The following DNM3 variants were observed in gnomAD, a reference collection of about 807,000 sequenced individuals.
The protein encoded by DNM3 is dynamin-3.
Under a neutral mutation model 101.6 loss-of-function variants are expected in DNM3, and 47 were observed. That is an observed-to-expected ratio of 0.46 (90% CI 0.37 to 0.59). The LOEUF is 0.59. DNM3 is among the 20% of genes least tolerant of loss of function. The probability of loss-of-function intolerance (pLI) is 0.00; values close to 1 mark genes in which losing one functional copy is unlikely to be tolerated. For synonymous variants in DNM3, 385 were observed against 387.9 expected, an observed-to-expected ratio of 0.99 and a Z score of 0.09; for missense variants, 849 against 1,085.7, an observed-to-expected ratio of 0.78 and a Z score of 3.06.
chr1:172,409,706 C>T lies in DNM3; in HGVS notation c.*1865C>T. 7.1e-6 allele frequency: 7 copies of T among 985,540 alleles called. No homozygotes were observed. The highest frequency in any genetic ancestry group is 6.0e-6 in the Non-Finnish European group (5 of 829,750). 61.0% of individuals were successfully genotyped at this position (985,540 alleles called of 1,614,324 possible). A position where few individuals can be genotyped will look rare whatever the true frequency, so the allele number is the denominator to read the frequency against. On this transcript the variant is annotated 3_prime_UTR_variant, in exon 21 of 21. Transcript: ENST00000627582. ...TGTTAAGCAAACATCCATAGTAAAACAAATAATCTTCAGTGAGATCTTTTT... is the reference window on the plus strand; with the variant it reads ...TGTTAAGCAAACATCCATAGTAAAATAAATAATCTTCAGTGAGATCTTTTT...
intron 18 of DNM3, among the ~76,000 whole-genome samples, chr1:172,385,183 G>A (rs753714050): frequency 1.1e-4 from 17 of 152,226 alleles, no homozygotes; most frequent in African/African-American, 2.9e-4. Context: ...ATACTACTGC[G>A]TTATTAAATG....
intron 2 of DNM3, among the ~76,000 whole-genome samples, chr1:171,977,803 T>A (rs1221218596): frequency 1.3e-5 from 2 of 152,238 alleles, no homozygotes; most frequent in Non-Finnish European, 2.9e-5. Flanking sequence ...GGCTCCTTTT[T>A]GGTTGTCATT....
intron 15 of DNM3, chr1:172,290,096 C>T (rs2063845803): frequency 6.9e-6 from 5 of 721,440 alleles, no homozygotes; most frequent in Non-Finnish European, 8.5e-6. Flanking sequence ...ACTGGTGAGA[C>T]TAGTCAGTCA....
rs144792257 is a variant in DNM3, at chr1:171,889,557, T to G, written c.162-32191T>G. Among the ~76,000 whole-genome samples, 32 of 152,298 alleles carry G rather than the reference T, an allele frequency of 2.1e-4. No individual in the cohort carries two copies. In the East Asian group the frequency reaches 4.4e-3, roughly 21 times the overall value. On this transcript the variant is annotated intron_variant, in intron 1 of 20. Coordinates refer to ENST00000627582, the MANE Select transcript of DNM3 (RefSeq NM_015569.5). The stretch of plus-strand genomic sequence containing the variant: ...CATACTTCAAAGTTAAAAGAATGTC[T>G]ACTAGCTACTCCCTCACTCTTGACA...
At chr1:172,198,469 T>C (rs1484623427) in intron 14 of DNM3, among the ~76,000 whole-genome samples, 1 of 152,076 alleles carries the variant, frequency 6.6e-6, no homozygotes, top group South Asian at 2.1e-4. Context: ...TTTTTTGGAA[T>C]GGTATCTGTA....
chr1:172,065,712 G>A (rs1419487851), intron 10 of DNM3, among the ~76,000 whole-genome samples: 1 of 152,174 alleles, frequency 6.6e-6, no homozygotes, highest in African/African-American at 2.4e-5. Context: ...ACCTCATGGA[G>A]ACGCTGGTGA....
intron 1 of DNM3, among the ~76,000 whole-genome samples, chr1:171,916,607 G>A (rs2901603): frequency 0.34 from 51,950 of 151,980 alleles, 9,215 homozygotes; most frequent in East Asian, 0.5. Flanking sequence ...GACATTTATT[G>A]TCTTCTTTCT....
intron 11 of DNM3, among the ~76,000 whole-genome samples, chr1:172,072,027 C>T (rs1173191844): frequency 6.6e-6 from 1 of 152,072 alleles, no homozygotes; most frequent in Admixed American, 6.5e-5. Context: ...TCCTATACTA[C>T]AGTCCAAGTT....
At chr1:172,138,848 G>A (rs753064128) in intron 14 of DNM3, 8 of 475,494 alleles carry the variant, frequency 1.7e-5, no homozygotes, top group Non-Finnish European at 3.1e-5. Flanking sequence ...ACAGGTGAGC[G>A]GATGTTCTGC....
At chr1:172,236,384 GA>G (rs2061546827) in intron 14 of DNM3, among the ~76,000 whole-genome samples, 1 of 152,190 alleles carries the variant, frequency 6.6e-6, no homozygotes, top group African/African-American at 2.4e-5. Context: ...AGAAAAGAGA[GA>G]GAAGGGGTGG....
Position 172,408,636 on chromosome 1 carries a change from C to A in DNM3, c.*795C>A. 1 of 984,846 alleles carries A rather than the reference C, an allele frequency of 1.0e-6. No individual in the cohort carries two copies. Among genetic ancestry groups the A allele is most frequent in the Non-Finnish European group, 1.2e-6 (1 of 829,448 alleles). The allele number at this position is 984,846 out of a possible 1,614,324, so 61.0% of individuals were successfully genotyped here. ...TATAATTTCTTTCTTTACTTATATT[C>A]ACCTCATGGTAGGTTATATTGAAGG... On this transcript the variant is annotated 3_prime_UTR_variant, in exon 21 of 21. Coordinates refer to ENST00000627582, the MANE Select transcript of DNM3 (RefSeq NM_015569.5).
chr1:172,366,751 A>C (rs1288378246), intron 17 of DNM3: 1 of 151,912 alleles, frequency 6.6e-6, no homozygotes, highest in Non-Finnish European at 1.5e-5. Flanking sequence ...CAATTGAGAG[A>C]TTCAGCAATA....
At chr1:171,996,964 T>C (rs1364034631) in intron 4 of DNM3, among the ~76,000 whole-genome samples, 1 of 151,976 alleles carries the variant, frequency 6.6e-6, no homozygotes, top group East Asian at 1.9e-4. Flanking sequence ...CCCAGGAGGT[T>C]GAGGCTGTGG....
intron 15 of DNM3, among the ~76,000 whole-genome samples, chr1:172,293,582 G>A (rs1405392077): frequency 6.6e-6 from 1 of 152,172 alleles, no homozygotes; most frequent in Non-Finnish European, 1.5e-5. Context: ...AGCATGTGGT[G>A]AGAACCTGGA....
At chr1:172,092,126 T>G (rs903165339) in intron 12 of DNM3, among the ~76,000 whole-genome samples, 1 of 152,084 alleles carries the variant, frequency 6.6e-6, no homozygotes, top group Non-Finnish European at 1.5e-5. Flanking sequence ...TTTTGAAATA[T>G]TAAGAATGAT....
At chr1:172,073,585 C>T (rs943970390) in intron 11 of DNM3, among the ~76,000 whole-genome samples, 1 of 152,066 alleles carries the variant, frequency 6.6e-6, no homozygotes, top group Non-Finnish European at 1.5e-5. Flanking sequence ...TGAGGAAGTA[C>T]CCACTGGGGA....
chr1:172,189,538 T>A (rs1362209602), intron 14 of DNM3, among the ~76,000 whole-genome samples: 1 of 151,896 alleles, frequency 6.6e-6, no homozygotes, highest in East Asian at 1.9e-4. Context: ...TTCACTAGAG[T>A]TTCATTTTCC....
chr1:171,887,847 C>T (rs1258144834), intron 1 of DNM3, among the ~76,000 whole-genome samples: 1 of 151,852 alleles, frequency 6.6e-6, no homozygotes, highest in African/African-American at 2.4e-5. Context: ...AAGGCATCAT[C>T]TAATATGTTT....
chr1:172,156,043 A>G (rs916995574), intron 14 of DNM3, among the ~76,000 whole-genome samples: 2 of 152,044 alleles, frequency 1.3e-5, no homozygotes, highest in African/African-American at 4.8e-5. Flanking sequence ...TCATCCATAG[A>G]ACGAGGATAA....
Sources: gnomAD v4.1 joint callset for allele counts (sites outside exome capture counted in the v4.1 genomes callset) on GRCh38, gnomAD v4.1.1 for gene constraint, MANE v1.5 for transcripts, NCBI Gene and HGNC (gene_info 2026-07-23, HGNC 2026-07-21) for gene names.